Variants in DAB2IP observed in about 807,000 individuals in gnomAD.
DAB2IP encodes disabled homolog 2-interacting protein.
Under a neutral mutation model 107.2 loss-of-function variants are expected in DAB2IP, and 28 were observed. The observed-to-expected ratio is 0.26, with a 90% CI of 0.19 to 0.36. The LOEUF (loss-of-function observed/expected upper bound fraction) is 0.36, where lower values mean the gene tolerates loss of function less well. DAB2IP is among the 10% of genes least tolerant of loss of function. DAB2IP has a pLI of 1.00. For synonymous variants in DAB2IP, 755 were observed against 706.4 expected (o/e 1.07, Z -1.09); for missense variants, 1,400 against 1,644.7 (o/e 0.85, Z 2.57).
At chr9:121,653,015 TAA>T (rs1283946830) in intron 1 of DAB2IP, among the ~76,000 whole-genome samples, 2 of 152,122 alleles carry the variant, frequency 1.3e-5, no homozygotes, top group African/African-American at 2.4e-5. Context: ...AAGCTGAGGC[TAA>T]GTGTGTGCAC....
At position 121,631,610 on chromosome 9, in the gene DAB2IP, G is replaced by A. The variant is rs536217372; in HGVS notation, c.41-47068G>A. ...AGGCTGGCGGATAACAAGGTCAAGA[G>A]ATCGAGACCATCCTGGCCCAAATGG... On this transcript the variant is annotated intron_variant, in intron 1 of 16. Transcript: ENST00000259371. Among the ~76,000 whole-genome samples, 11 of 152,188 alleles carry A rather than the reference G, an allele frequency of 7.2e-5. No individual in the cohort carries two copies. The East Asian group carries it at 1.7e-3, about 24-fold the overall frequency.
At chr9:121,614,605 C>T (rs1831209112) in intron 1 of DAB2IP, among the ~76,000 whole-genome samples, 1 of 152,114 alleles carries the variant, frequency 6.6e-6, no homozygotes, top group African/African-American at 2.4e-5. Context: ...TCCCAAAGTG[C>T]TGGGATTACA....
intron 3 of DAB2IP, among the ~76,000 whole-genome samples, chr9:121,700,210 G>A (rs1218315020): frequency 6.6e-6 from 1 of 152,210 alleles, no homozygotes; most frequent in Non-Finnish European, 1.5e-5. Flanking sequence ...GCGGGGAGGT[G>A]GCTGGTGGGG....
upstream of DAB2IP, chr9:121,651,525 A>G (rs929627873): frequency 2.7e-6 from 1 of 376,646 alleles, no homozygotes. The surrounding 1 kb of genome is among the most constrained non-coding windows in gnomAD (Gnocchi z 5.1). Flanking sequence ...TTTCTCCCGC[A>G]CTGACTTTCC....
chr9:121,766,904 C>T (rs192996112), intron 9 of DAB2IP, among the ~76,000 whole-genome samples, 174 bp downstream of exon 9: 380 of 152,328 alleles, frequency 2.5e-3, no homozygotes, highest in Non-Finnish European at 4.1e-3. Context: ...ATCTCCACAC[C>T]CTGTCCTTCT....
At position 121,734,309 on chromosome 9, in the gene DAB2IP, G is replaced by A. The variant is rs1038151691; in HGVS notation, c.363-22704G>A. ...GGAGAATGGCGTGAACCCAGGAAGC[G>A]GAGCTTGCAGTGAGCCGAGATTGCG... On this transcript the variant is annotated intron_variant, in intron 3 of 15. Transcript: ENST00000408936. Among the ~76,000 whole-genome samples the A allele has an allele frequency of 1.6e-3, 236 of 150,354 alleles. 7 individuals are homozygous for A. The highest frequency in any genetic ancestry group is 7.9e-4 in the Non-Finnish European group (54 of 67,956).
At chr9:121,651,559 G>A, upstream of DAB2IP, 1 of 730,730 alleles carries the variant, frequency 1.4e-6, no homozygotes, top group Non-Finnish European at 1.7e-6. This position sits in a 1 kb window ranked among gnomAD's most constrained non-coding sequence, Gnocchi z 5.1. Flanking sequence ...CCCGGCCTCC[G>A]GGTCCCCAGC....
At chr9:121,747,175 TCCCTAAACTTTCTG>T (rs1832775633) in intron 3 of DAB2IP, among the ~76,000 whole-genome samples, 1 of 151,938 alleles carries the variant, frequency 6.6e-6, no homozygotes, top group Non-Finnish European at 1.5e-5. Context: ...ACTGTCACTC[TCCCTAAACTTTCTG>T]AGCAGCCAGG....
intron 1 of DAB2IP, 22 bp from the exon 2 acceptor site, chr9:121,678,656 C>G: frequency 6.7e-7 from 1 of 1,496,470 alleles, no homozygotes; most frequent in South Asian, 1.3e-5. Context: ...TGTTCAACCT[C>G]TCTCTCCTCC....
chr9:121,781,144 G>A (rs1835604155), intron 14 of DAB2IP, among the ~76,000 whole-genome samples: 1 of 152,186 alleles, frequency 6.6e-6, no homozygotes, highest in South Asian at 2.1e-4. Flanking sequence ...TAGCTCTAGG[G>A]GTTTGAAGAT....
intron 3 of DAB2IP, among the ~76,000 whole-genome samples, chr9:121,728,719 A>G (rs1831365548): frequency 6.6e-6 from 1 of 151,128 alleles, no homozygotes; most frequent in South Asian, 2.1e-4. Flanking sequence ...TGGGCTGGGC[A>G]GGGGCTTCTT....
intron 2 of DAB2IP, among the ~76,000 whole-genome samples, chr9:121,683,170 G>A (rs1196875967): frequency 6.6e-6 from 1 of 152,156 alleles, no homozygotes; most frequent in African/African-American, 2.4e-5. Flanking sequence ...GGCTTTGCAT[G>A]TGCCCACCCA....
At chr9:121,706,076 G>A (rs1192053046) in intron 3 of DAB2IP, among the ~76,000 whole-genome samples, 1 of 152,162 alleles carries the variant, frequency 6.6e-6, no homozygotes, top group African/African-American at 2.4e-5. Flanking sequence ...CTGCCAGTCC[G>A]CTCCCTTGTG....
At position 121,633,807 on chromosome 9, in the gene DAB2IP, C is replaced by G. The variant is rs930063280; in HGVS notation, c.41-44871C>G. The stretch of plus-strand genomic sequence containing the variant: ...TCCAGGCCCAAACCCTCACCATAGT[C>G]TAAGTACATGGCATTTGGATAAGGG... On this transcript the variant is annotated intron_variant, in intron 1 of 16. Transcript: ENST00000259371. This position sits in a 1 kb window ranked among gnomAD's most constrained non-coding sequence, Gnocchi z 5.1. Among the ~76,000 whole-genome samples the G allele has an allele frequency of 6.6e-6, 1 of 152,218 alleles. No individual in the cohort carries two copies. Among genetic ancestry groups the G allele is most frequent in the Non-Finnish European group, 1.5e-5 (1 of 68,046 alleles).
rs149504970 is a variant in DAB2IP at position 121,776,235 on chromosome 9, C to T, written c.3158C>T (p.Thr1053Ile). Reference sequence around the variant, plus strand: ...CTGCAGGACAAGCTGCGAATCTCCACCAAGAAGCTGGAGGAGTATGAGACC... The same window carrying T: ...CTGCAGGACAAGCTGCGAATCTCCATCAAGAAGCTGGAGGAGTATGAGACC... Residue 1053 changes from threonine (T) to isoleucine (I), a missense_variant, in exon 14 of 16, where the codon ACC becomes ATC. Physicochemically the swap from Thr to Ile is moderately conservative, Grantham distance 89. Transcript: ENST00000408936. This position sits in a 1 kb window ranked among gnomAD's most constrained non-coding sequence, Gnocchi z 5.4. 4 of 1,584,664 alleles carry T rather than the reference C, an allele frequency of 2.5e-6. No homozygotes were observed. Among genetic ancestry groups the T allele is most frequent in the Non-Finnish European group, 2.6e-6 (3 of 1,165,918 alleles).
At chr9:121,692,940 A>C (rs1829234461) in intron 2 of DAB2IP, among the ~76,000 whole-genome samples, 2 of 152,226 alleles carry the variant, frequency 1.3e-5, no homozygotes, top group Admixed American at 6.5e-5. Flanking sequence ...CCCTGATGCC[A>C]TTAGTGCCTA....
chr9:121,767,481 AC>A (rs1834369923), intron 9 of DAB2IP, among the ~76,000 whole-genome samples: 2 of 152,186 alleles, frequency 1.3e-5, no homozygotes, highest in Non-Finnish European at 2.9e-5. Flanking sequence ...TGATCCCCCA[AC>A]TGCATGTCAG....
At chr9:121,637,476 T>G (rs1334075876) in intron 1 of DAB2IP, among the ~76,000 whole-genome samples, 1 of 152,136 alleles carries the variant, frequency 6.6e-6, no homozygotes, top group Non-Finnish European at 1.5e-5. Context: ...CCACTGAGTC[T>G]GGTGGGGGAA....
chr9:121,651,499 C>T (rs911051075), upstream of DAB2IP: 45 of 257,542 alleles, frequency 1.7e-4, no homozygotes, highest in Non-Finnish European at 2.2e-4. This position sits in a 1 kb window ranked among gnomAD's most constrained non-coding sequence, Gnocchi z 5.1. Flanking sequence ...CTCGCCCCGC[C>T]GATTCCAGGC....
Sources: gnomAD v4.1 joint callset for allele counts (sites outside exome capture counted in the v4.1 genomes callset) on GRCh38, gnomAD v4.1.1 for gene constraint, Gnocchi (gnomAD v3.1) non-coding constraint, MANE v1.5 for transcripts, NCBI Gene and HGNC (gene_info 2026-07-23, HGNC 2026-07-21) for gene names.